MARK3: variants seen among roughly 807,000 people sequenced by gnomAD.
MARK3 encodes the protein MAP/microtubule affinity-regulating kinase 3.
Under a neutral mutation model 90.1 loss-of-function variants are expected in MARK3, and 46 were observed. The observed-to-expected ratio is 0.51, with a 90% confidence interval of 0.40 to 0.65. The LOEUF is 0.65. MARK3 is among the 30% of genes least tolerant of loss of function. The probability of loss-of-function intolerance (pLI) is 0.00; values close to 1 mark genes in which losing one functional copy is unlikely to be tolerated. For synonymous variants in MARK3, 321 were observed against 332.6 expected, an observed-to-expected ratio of 0.97 and a Z score of 0.38; for missense variants, 818 against 947.2, an observed-to-expected ratio of 0.86 and a Z score of 1.79.
chr14:103,463,911 C>T (rs1372275596), intron 7 of MARK3, among the ~76,000 whole-genome samples: 3 of 152,212 alleles, frequency 2.0e-5, no homozygotes, highest in African/African-American at 7.2e-5. Flanking sequence ...ACATCTCTAT[C>T]TCACATACTG....
At chr14:103,400,307 G>T (rs2090875387) in intron 1 of MARK3, among the ~76,000 whole-genome samples, 1 of 152,100 alleles carries the variant, frequency 6.6e-6, no homozygotes, top group Non-Finnish European at 1.5e-5. Flanking sequence ...TAACTAATGA[G>T]AACTGGCCAG....
At chr14:103,477,323 C>G (rs2093731497) in intron 13 of MARK3, among the ~76,000 whole-genome samples, 1 of 152,106 alleles carries the variant, frequency 6.6e-6, no homozygotes, top group South Asian at 2.1e-4. Flanking sequence ...GAAATCCCAT[C>G]TCTACTAAAA....
At chr14:103,429,462 T>C (rs1483301069) in intron 3 of MARK3, 1 of 152,236 alleles carries the variant, frequency 6.6e-6, no homozygotes, top group Non-Finnish European at 1.5e-5. Context: ...AGAGCAGTGC[T>C]CTATATACAT....
intron 2 of MARK3, among the ~76,000 whole-genome samples, chr14:103,427,508 A>AAG (rs2092448350): frequency 6.6e-6 from 1 of 151,194 alleles, no homozygotes; most frequent in Non-Finnish European, 1.5e-5. Context: ...AAAAAAAAAA[A>AAG]AAAAAGAAAC....
At chr14:103,485,951 A>C (rs923309484) in intron 14 of MARK3, among the ~76,000 whole-genome samples, 1 of 152,192 alleles carries the variant, frequency 6.6e-6, no homozygotes, top group Non-Finnish European at 1.5e-5. Context: ...AACTCTCTTC[A>C]TGCAACTTGA....
At chr14:103,435,617 C>T (rs994227150) in intron 3 of MARK3, among the ~76,000 whole-genome samples, 1 of 151,670 alleles carries the variant, frequency 6.6e-6, no homozygotes, top group African/African-American at 2.4e-5. Flanking sequence ...ACCGTGTTAG[C>T]CAGGATGGTC....
intron 2 of MARK3, 132 bp downstream of exon 2, chr14:103,405,399 GGAGTGCA>G: frequency 1.7e-6 from 1 of 603,494 alleles, no homozygotes; most frequent in Non-Finnish European, 2.6e-6. Flanking sequence ...CACCCAGGCT[GGAGTGCA>G]GTGGCATGAT....
In MARK3 at chr14:103,478,225, G is replaced by A. The variant is rs558373028; in HGVS notation, c.1483-2162G>A. On this transcript the variant is annotated intron_variant, in intron 13 of 17. Transcript: ENST00000429436. ...CAGGAGAATCGATTGAACCCAGGAC[G>A]CAGAAGTTGCAGTGAGCCGAGATGG... is the stretch of plus-strand genomic sequence containing the variant. Among the ~76,000 whole-genome samples the A allele has an allele frequency of 6.6e-5, 10 of 151,028 alleles. No individual in the cohort carries two copies. The South Asian group carries it at 1.9e-3, about 28-fold the overall frequency.
chr14:103,409,503 G>T (rs542972107), intron 2 of MARK3, among the ~76,000 whole-genome samples: 25 of 144,922 alleles, frequency 1.7e-4, no homozygotes, highest in East Asian at 6.0e-4. Context: ...CTCTTGTGGG[G>T]TTTTTTTTGC....
intron 1 of MARK3, among the ~76,000 whole-genome samples, chr14:103,394,471 C>T (rs936583546): frequency 3.3e-5 from 5 of 152,072 alleles, no homozygotes; most frequent in South Asian, 2.1e-4. Context: ...TGTCTTCAGC[C>T]GAGAGTTCGC....
At chr14:103,453,891 C>G (rs2093214274) in intron 5 of MARK3, among the ~76,000 whole-genome samples, 1 of 152,228 alleles carries the variant, frequency 6.6e-6, no homozygotes. Context: ...TGTGGGCGCT[C>G]TGGGCCTGGA....
chr14:103,396,547 G>A (rs555433253), intron 1 of MARK3, among the ~76,000 whole-genome samples: 12 of 152,248 alleles, frequency 7.9e-5, no homozygotes, highest in Middle Eastern at 3.4e-3. Context: ...GTCAATACAT[G>A]TCTTTAAAAT....
At chr14:103,420,743 C>T (rs1325842437) in intron 2 of MARK3, among the ~76,000 whole-genome samples, 2 of 152,032 alleles carry the variant, frequency 1.3e-5, no homozygotes, top group Admixed American at 6.5e-5. Context: ...TTGTAACACC[C>T]AAATCAGTAC....
chr14:103,426,904 A>G (rs1447205482), intron 2 of MARK3, among the ~76,000 whole-genome samples: 1 of 151,584 alleles, frequency 6.6e-6, no homozygotes, highest in East Asian at 1.9e-4. Context: ...AAAAAAAAAA[A>G]AAAAATTTTT....
intron 3 of MARK3, among the ~76,000 whole-genome samples, chr14:103,435,403 T>TTTTA (rs1247642385): frequency 2.7e-5 from 4 of 149,298 alleles, no homozygotes; most frequent in African/African-American, 5.0e-5. Context: ...TTTTACTTAT[T>TTTTA]TTTATTTATT....
At chr14:103,407,554 C>CTTTTTTTTTTTTTTTTTT (rs71460673) in intron 2 of MARK3, among the ~76,000 whole-genome samples, 5 of 71,660 alleles carry the variant, frequency 7.0e-5, no homozygotes, top group East Asian at 5.3e-4. Flanking sequence ...TGTTTTGCCT[C>CTTTTTTTTTTTTTTTTTT]TTTTTTTTTT....
At chr14:103,485,766 A>G (rs778646141) in intron 14 of MARK3, among the ~76,000 whole-genome samples, 3 of 152,212 alleles carry the variant, frequency 2.0e-5, no homozygotes, top group Non-Finnish European at 4.4e-5. Flanking sequence ...ACAGTGGCTC[A>G]CAAGCCCTGT....
chr14:103,403,738 T>A (rs1373629051), intron 1 of MARK3, among the ~76,000 whole-genome samples: 4 of 152,232 alleles, frequency 2.6e-5, no homozygotes, highest in South Asian at 4.1e-4. Flanking sequence ...AAAGCCTTAG[T>A]GTCAAAGCTT....
chr14:103,448,937 A>G lies in MARK3; in HGVS notation c.316A>G (p.Ile106Val). The change falls in exon 4 of 18, where the codon ATA becomes GTA. Residue 106 changes from isoleucine to valine, a missense_variant. Transcript: ENST00000429436. The stretch of plus-strand genomic sequence containing the variant: ...TTTTTAGCTCTTCAGAGAAGTAAGA[A>G]TAATGAAGATTTTAAATCATCCCAA... Reference protein sequence around the residue: ...SLQKLFREVRIMKILNHPNIV... With the variant: ...SLQKLFREVRVMKILNHPNIV... 1.3e-6 allele frequency: 2 copies of G among 1,571,882 alleles called. No individual in the cohort carries two copies. The highest frequency in any genetic ancestry group is 1.9e-5 in the Admixed American group (1 of 54,052).
Sources: gnomAD v4.1 joint callset for allele counts (sites outside exome capture counted in the v4.1 genomes callset) on GRCh38, gnomAD v4.1.1 for gene constraint, MANE v1.5 for transcripts, NCBI Gene and HGNC (gene_info 2026-07-23, HGNC 2026-07-21) for gene names.